Variants in SMYD3 observed in about 807,000 individuals in gnomAD.
SMYD3 encodes histone-lysine N-methyltransferase SMYD3.
SMYD3 carries 36 observed loss-of-function variants against 57.7 expected under a neutral mutation model. The ratio of observed to expected loss-of-function variants is 0.62; its 90% CI spans 0.48 to 0.82. The LOEUF is 0.82. Ranked by LOEUF, SMYD3 falls within the 40% of genes least tolerant of loss-of-function variation. The pLI is 0.00. For synonymous variants in SMYD3, 211 were observed against 195.0 expected (o/e 1.08, Z -0.68); for missense variants, 515 against 538.8 (o/e 0.96, Z 0.44).
At chr1:246,233,060 T>C (rs1242198913) in intron 5 of SMYD3, among the ~76,000 whole-genome samples, 39 of 125,270 alleles carry the variant, frequency 3.1e-4, no homozygotes, top group East Asian at 1.9e-3. Context: ...CTCCTTCAAT[T>C]CACACTGTGA....
intron 5 of SMYD3, among the ~76,000 whole-genome samples, chr1:246,022,741 A>C (rs1054023276): frequency 6.6e-6 from 1 of 152,202 alleles, no homozygotes; most frequent in African/African-American, 2.4e-5. Flanking sequence ...ATACACATGG[A>C]AAGTATTCTG....
At chr1:246,033,068 T>A (rs1052636685) in intron 5 of SMYD3, among the ~76,000 whole-genome samples, 2 of 152,088 alleles carry the variant, frequency 1.3e-5, no homozygotes, top group Non-Finnish European at 2.9e-5. Context: ...CCCAAAGACA[T>A]GAAAAACCAT....
intron 5 of SMYD3, chr1:246,111,429 A>C (rs912702048): frequency 6.6e-6 from 1 of 152,224 alleles, no homozygotes; most frequent in Admixed American, 6.5e-5. Flanking sequence ...ACAAGCAAGA[A>C]ATGCCTATAA....
At chr1:245,982,270 G>C (rs1370698402) in intron 5 of SMYD3, among the ~76,000 whole-genome samples, 1 of 152,112 alleles carries the variant, frequency 6.6e-6, no homozygotes, top group Non-Finnish European at 1.5e-5. Context: ...GAGTAACTGG[G>C]ACCAGCATGA....
chr1:246,088,030 T>C (rs1162857847), intron 5 of SMYD3, among the ~76,000 whole-genome samples: 1 of 152,144 alleles, frequency 6.6e-6, no homozygotes, highest in Non-Finnish European at 1.5e-5. Context: ...TTGTTTAGAA[T>C]AAATGAGATG....
chr1:246,327,575 G>C (rs571615922), intron 4 of SMYD3, among the ~76,000 whole-genome samples: 1 of 152,214 alleles, frequency 6.6e-6, no homozygotes, highest in South Asian at 2.1e-4. Flanking sequence ...ACATAAGTAC[G>C]CACATATATG....
At chr1:246,030,422 A>G (rs1235605968) in intron 5 of SMYD3, among the ~76,000 whole-genome samples, 1 of 152,186 alleles carries the variant, frequency 6.6e-6, no homozygotes, top group Non-Finnish European at 1.5e-5. Flanking sequence ...TGGGAAATGG[A>G]AGAATGGGAG....
At chr1:246,299,176 A>C (rs2064848816) in intron 5 of SMYD3, among the ~76,000 whole-genome samples, 1 of 152,170 alleles carries the variant, frequency 6.6e-6, no homozygotes, top group Non-Finnish European at 1.5e-5. Flanking sequence ...AAAAAATGGA[A>C]ATACTTCAAT....
In SMYD3 at chr1:246,303,896, T is replaced by C. The variant is rs1015419143; in HGVS notation, c.531+23305A>G. Among the ~76,000 whole-genome samples the C allele has an allele frequency of 7.5e-4, 114 of 152,268 alleles. 1 individual carries two copies. Among genetic ancestry groups the C allele is most frequent in the African/African-American group, 2.6e-3 (110 of 41,574 alleles). On this transcript the variant is annotated intron_variant, in intron 5 of 11. Coordinates refer to ENST00000490107, the MANE Select transcript of SMYD3 (RefSeq NM_001167740.2). ...TGATACAAAGAACTAGGGCAGGCAA[T>C]TGACTAAAAAATACTTTCTACAACA... is the stretch of plus-strand genomic sequence containing the variant.
At chr1:246,346,075 G>C (rs2065708853) in intron 2 of SMYD3, among the ~76,000 whole-genome samples, 1 of 152,144 alleles carries the variant, frequency 6.6e-6, no homozygotes, top group Non-Finnish European at 1.5e-5. Flanking sequence ...AAGAGGTCAG[G>C]AGATCGAGAC....
intron 5 of SMYD3, among the ~76,000 whole-genome samples, chr1:246,188,072 A>G (rs1243144570): frequency 6.6e-6 from 1 of 152,148 alleles, no homozygotes; most frequent in African/African-American, 2.4e-5. Context: ...TTAATTTACA[A>G]TAAAAAAACT....
At chr1:246,244,703 T>C (rs2063673004) in intron 5 of SMYD3, among the ~76,000 whole-genome samples, 1 of 152,302 alleles carries the variant, frequency 6.6e-6, no homozygotes, top group East Asian at 1.9e-4. Flanking sequence ...ATTTTCTAGT[T>C]GTGTAAAAAG....
At chr1:246,048,362 G>C (rs376905296) in intron 5 of SMYD3, among the ~76,000 whole-genome samples, 7 of 152,208 alleles carry the variant, frequency 4.6e-5, no homozygotes, top group African/African-American at 1.7e-4. Flanking sequence ...TTGAAGAAAA[G>C]AAAATTCTAC....
chr1:245,861,412 A>G (rs2051540531), intron 9 of SMYD3, among the ~76,000 whole-genome samples: 1 of 152,188 alleles, frequency 6.6e-6, no homozygotes, highest in African/African-American at 2.4e-5. Context: ...AAGGGAAGCA[A>G]AGTAAATTCA....
chr1:246,479,311 T>A (rs2068072735), intron 1 of SMYD3, among the ~76,000 whole-genome samples: 1 of 152,216 alleles, frequency 6.6e-6, no homozygotes, highest in African/African-American at 2.4e-5. Context: ...CTGTGTGACC[T>A]GGGTCAAGTA....
chr1:246,049,370 C>T (rs2060024835), intron 5 of SMYD3, among the ~76,000 whole-genome samples: 1 of 152,088 alleles, frequency 6.6e-6, no homozygotes, highest in Admixed American at 6.5e-5. Context: ...AACCTCAGCT[C>T]ACTGCAAGCT....
intron 3 of SMYD3, 126 bp from the exon 4 acceptor site, chr1:246,330,663 T>C: frequency 1.5e-6 from 1 of 665,164 alleles, no homozygotes; most frequent in East Asian, 3.1e-5. Flanking sequence ...TATATATTCT[T>C]TCTATTCATC....
chr1:246,362,683 C>T (rs1198326813), intron 1 of SMYD3, among the ~76,000 whole-genome samples: 1 of 152,272 alleles, frequency 6.6e-6, no homozygotes, highest in Non-Finnish European at 1.5e-5. Flanking sequence ...GGCTGGTCTC[C>T]AGCTCCTAAC....
intron 5 of SMYD3, among the ~76,000 whole-genome samples, chr1:246,297,139 A>C (rs2064810692): frequency 6.6e-6 from 1 of 152,216 alleles, no homozygotes; most frequent in Non-Finnish European, 1.5e-5. Context: ...CAATTAAGTA[A>C]TAGTTGAATC....
Sources: gnomAD v4.1 joint callset for allele counts (sites outside exome capture counted in the v4.1 genomes callset) on GRCh38, gnomAD v4.1.1 for gene constraint, MANE v1.5 for transcripts, NCBI Gene and HGNC (gene_info 2026-07-23, HGNC 2026-07-21) for gene names.